AKAP6: variants seen among roughly 807,000 people sequenced by gnomAD.
The protein encoded by AKAP6 is A-kinase anchor protein 6.
In AKAP6, 58 loss-of-function variants were observed where a neutral mutation model predicts 188.5. That is an observed-to-expected ratio of 0.31 (90% confidence interval 0.25 to 0.38). The LOEUF (loss-of-function observed/expected upper bound fraction) is 0.38, where lower values mean the gene tolerates loss of function less well. Ranked by LOEUF, AKAP6 falls within the 10% of genes least tolerant of loss-of-function variation. AKAP6 has a pLI of 1.00. For synonymous variants in AKAP6, 989 were observed against 998.6 expected, an observed-to-expected ratio of 0.99 and a Z score of 0.18; for missense variants, 2,710 against 2,740.0, an observed-to-expected ratio of 0.99 and a Z score of 0.24.
chr14:32,520,511 G>T (rs576286729), intron 2 of AKAP6, among the ~76,000 whole-genome samples: 5 of 151,930 alleles, frequency 3.3e-5, no homozygotes, highest in African/African-American at 1.2e-4. Context: ...ATGATAAAGG[G>T]GATATCACCA....
At chr14:32,817,467 G>GTC (rs2034411991) in intron 12 of AKAP6, among the ~76,000 whole-genome samples, 1 of 93,840 alleles carries the variant, frequency 1.1e-5, no homozygotes, top group Non-Finnish European at 2.0e-5. Context: ...GTGTGTGTGT[G>GTC]TGTGTGTGTG....
chr14:32,510,414 G>GTGTGTA (rs550899005), intron 2 of AKAP6, among the ~76,000 whole-genome samples: 9 of 112,332 alleles, frequency 8.0e-5, no homozygotes, highest in African/African-American at 3.1e-4. Context: ...GTATATATAT[G>GTGTGTA]TATATATATA....
At chr14:32,397,850 C>G (rs537226444) in intron 1 of AKAP6, among the ~76,000 whole-genome samples, 1 of 152,300 alleles carries the variant, frequency 6.6e-6, no homozygotes, top group East Asian at 1.9e-4. Flanking sequence ...AGCAACTTTT[C>G]CTTTGGGGAA....
At chr14:32,355,919 C>T (rs547985124) in intron 1 of AKAP6, among the ~76,000 whole-genome samples, 28 of 151,972 alleles carry the variant, frequency 1.8e-4, no homozygotes, top group East Asian at 7.7e-4. Flanking sequence ...GGATTACAGG[C>T]GCCTGCCACC....
chr14:32,675,435 T>G (rs1889386068), intron 7 of AKAP6, among the ~76,000 whole-genome samples: 1 of 152,186 alleles, frequency 6.6e-6, no homozygotes, highest in Non-Finnish European at 1.5e-5. Context: ...TGCTAATAAT[T>G]TTTTTTAACC....
chr14:32,748,963 T>C (rs1024075614), intron 11 of AKAP6, among the ~76,000 whole-genome samples: 3 of 152,092 alleles, frequency 2.0e-5, no homozygotes, highest in African/African-American at 2.4e-5. Flanking sequence ...CACACACACA[T>C]ATACACACAC....
chr14:32,535,790 T>C lies in AKAP6; in HGVS notation c.561T>C (p.Ser187=), dbSNP rs746433790. 1.4e-5 allele frequency: 22 copies of C among 1,612,504 alleles called. No individual in the cohort carries two copies. The South Asian group carries it at 2.3e-4, about 17-fold the overall frequency. ...TRQTDILQAF[S]EETKEGRLDS... is the part of the protein sequence containing the mutation. ...AGACGGACATTCTGCAAGCTTTCTCTGAAGAGACAAAAGAGGTGAGTGTTT... is the reference window on the plus strand; with the variant it reads ...AGACGGACATTCTGCAAGCTTTCTCCGAAGAGACAAAAGAGGTGAGTGTTT... Residue 187 remains serine, a synonymous_variant, in exon 3 of 14, where the codon TCT becomes TCC. Coordinates refer to ENST00000280979, the MANE Select transcript of AKAP6 (RefSeq NM_004274.5).
At chr14:32,794,994 A>G (rs1290011758) in intron 12 of AKAP6, among the ~76,000 whole-genome samples, 1 of 152,150 alleles carries the variant, frequency 6.6e-6, no homozygotes, top group Non-Finnish European at 1.5e-5. Context: ...CCATTAGAAA[A>G]TACTATAAAC....
intron 7 of AKAP6, among the ~76,000 whole-genome samples, chr14:32,671,165 C>T (rs1889176537): frequency 6.6e-6 from 1 of 152,106 alleles, no homozygotes; most frequent in Admixed American, 6.6e-5. Context: ...TCAGGGAAGA[C>T]TTGGATGCAA....
intron 11 of AKAP6, among the ~76,000 whole-genome samples, chr14:32,751,492 T>G (rs982641718): frequency 3.7e-5 from 5 of 134,054 alleles, no homozygotes; most frequent in African/African-American, 1.0e-4. Flanking sequence ...TATCTGTCTC[T>G]TTTCACTTTT....
At chr14:32,803,532 G>C (rs559140378) in intron 12 of AKAP6, among the ~76,000 whole-genome samples, 1 of 152,098 alleles carries the variant, frequency 6.6e-6, no homozygotes, top group Non-Finnish European at 1.5e-5. Context: ...CCAGAGTCGA[G>C]CTCAAATACC....
At chr14:32,786,618 C>A (rs1374670888) in intron 12 of AKAP6, among the ~76,000 whole-genome samples, 1 of 151,930 alleles carries the variant, frequency 6.6e-6, no homozygotes, top group East Asian at 1.9e-4. Flanking sequence ...GCCACAGCAC[C>A]CAGCCTAAAC....
chr14:32,545,606 A>C lies in AKAP6; in HGVS notation c.953A>C (p.Gln318Pro), dbSNP rs1272964459. The C allele has an allele frequency of 1.2e-6, 2 of 1,614,188 alleles. No homozygotes were observed. The highest frequency in any genetic ancestry group is 1.7e-6 in the Non-Finnish European group (2 of 1,180,012). Reference sequence around the variant, plus strand: ...GACAATGCTTCTGCAGTCGAAGAGCAACCAGGCTTAACACTGGGGGTGTCA... The same window carrying C: ...GACAATGCTTCTGCAGTCGAAGAGCCACCAGGCTTAACACTGGGGGTGTCA... ...EEDNASAVEE[Q>P]PGLTLGVSSS... is the part of the protein sequence containing the mutation. The change falls in exon 4 of 14, where the codon CAA (glutamine) becomes CCA (proline). Residue 318 changes from glutamine to proline, a missense_variant. Around this residue, in one of 2 missense-constraint regions of AKAP6, gnomAD observed 2,473 missense variants for 2,426.1 expected, o/e 1.02. Transcript: ENST00000280979.
chr14:32,545,585 A>G lies in AKAP6; in HGVS notation c.932A>G (p.Asn311Ser). 1 of 1,614,180 alleles carries G rather than the reference A, an allele frequency of 6.2e-7. No individual in the cohort carries two copies. Among genetic ancestry groups the G allele is most frequent in the Non-Finnish European group, 8.5e-7 (1 of 1,180,020 alleles). ...GACAAAGGTGGATGTGAGGAAGACA[A>G]TGCTTCTGCAGTCGAAGAGCAACCA... is the stretch of plus-strand genomic sequence containing the variant. ...VDDKGGCEEDNASAVEEQPGL... is the reference protein window; with the variant it reads ...VDDKGGCEEDSASAVEEQPGL... Residue 311 changes from asparagine (N) to serine (S), a missense_variant, in exon 4 of 14, where the codon AAT (asparagine) becomes AGT (serine). Physicochemically the swap from Asn to Ser is conservative, Grantham distance 46. Around this residue, in one of 2 missense-constraint regions of AKAP6, gnomAD observed 2,473 missense variants for 2,426.1 expected, o/e 1.02. Coordinates refer to ENST00000280979, the MANE Select transcript of AKAP6 (RefSeq NM_004274.5).
At chr14:32,494,943 A>G (rs945069259) in intron 2 of AKAP6, 2 of 152,120 alleles carry the variant, frequency 1.3e-5, no homozygotes, top group Non-Finnish European at 2.9e-5. Context: ...TGAGCTTTCT[A>G]TTGTAACCAA....
intron 1 of AKAP6, among the ~76,000 whole-genome samples, chr14:32,353,606 A>G (rs943675020): frequency 2.0e-5 from 3 of 152,186 alleles, no homozygotes; most frequent in African/African-American, 7.2e-5. Flanking sequence ...AGTTCTGGCC[A>G]GGGCAGTCAG....
At chr14:32,812,919 G>A (rs1478434685) in intron 12 of AKAP6, among the ~76,000 whole-genome samples, 2 of 152,154 alleles carry the variant, frequency 1.3e-5, no homozygotes, top group Non-Finnish European at 2.9e-5. Context: ...GCAAATGTGT[G>A]GGGTTTTTTT....
chr14:32,335,839 C>G (rs8009980), intron 1 of AKAP6, among the ~76,000 whole-genome samples: 1 of 107,076 alleles, frequency 9.3e-6, no homozygotes, highest in African/African-American at 3.4e-5. Flanking sequence ...CTATCCTTTT[C>G]TCCTTTTTTT....
At chr14:32,780,794 A>C (rs985414213) in intron 12 of AKAP6, among the ~76,000 whole-genome samples, 1 of 152,208 alleles carries the variant, frequency 6.6e-6, no homozygotes, top group African/African-American at 2.4e-5. Context: ...CTCATGTCAT[A>C]CAAAGTATGT....
Sources: allele counts gnomAD v4.1 joint callset (sites outside exome capture counted in the v4.1 genomes callset), GRCh38; gene constraint gnomAD v4.1.1; regional missense constraint gnomAD v4.1.1; transcripts MANE v1.5; gene names NCBI Gene and HGNC (gene_info 2026-07-23, HGNC 2026-07-21).